The following MED14 variants were observed in gnomAD, a reference collection of about 807,000 sequenced individuals.
MED14 encodes mediator complex subunit 14, also known as mediator of RNA polymerase II transcription subunit 14.
A neutral mutation model predicts 109.0 loss-of-function variants in MED14; 8 were observed. The ratio of observed to expected loss-of-function variants is 0.07; its 90% CI spans 0.04 to 0.13. The LOEUF (loss-of-function observed/expected upper bound fraction) is 0.13. Ranked by LOEUF, MED14 falls within the 10% of genes least tolerant of loss-of-function variation. MED14 has a pLI of 1.00. For missense variants in MED14, 711 were observed against 1,142.4 expected, an observed-to-expected ratio of 0.62 and a Z score of 5.44; for synonymous variants, 399 against 408.7, an observed-to-expected ratio of 0.98 and a Z score of 0.29.
At chrX:40,714,245 C>G (rs1931436049) in intron 4 of MED14, among the ~76,000 whole-genome samples, 1 of 111,725 alleles carries the variant, frequency 9.0e-6, no homozygotes, top group African/African-American at 3.3e-5. Context: ...GTTTAAAACA[C>G]TTTCAAAAAG....
At chrX:40,721,885 G>C (rs1931732654) in intron 3 of MED14, among the ~76,000 whole-genome samples, 1 of 112,481 alleles carries the variant, frequency 8.9e-6, no homozygotes, top group Non-Finnish European at 1.9e-5. Flanking sequence ...AAATCTTCCA[G>C]ATCTTATCCA....
intron 29 of MED14, 117 bp downstream of exon 29, chrX:40,654,818 C>T: frequency 2.3e-5 from 22 of 950,054 alleles, no homozygotes; most frequent in Non-Finnish European, 1.0e-5. Flanking sequence ...ATTAAGGAAT[C>T]CTGGCCTCTA....
At chrX:40,728,049 T>C (rs775583100) in intron 2 of MED14, among the ~76,000 whole-genome samples, 1 of 111,934 alleles carries the variant, frequency 8.9e-6, no homozygotes, top group East Asian at 2.8e-4. Context: ...GACTGAGACA[T>C]AGCAGAAATG....
chrX:40,662,600 GTATGC>G (rs2146620836), intron 26 of MED14, among the ~76,000 whole-genome samples: 1 of 111,775 alleles, frequency 8.9e-6, no homozygotes, highest in South Asian at 3.7e-4. Flanking sequence ...ATAATTACTG[GTATGC>G]TATTCTCTGC....
At position 40,701,219 on chromosome X, in the gene MED14, T is replaced by G; in HGVS notation, c.1436A>C (p.Glu479Ala). ...TTTCATATCATCATTCACAGACTTC[T>G]CCATGTCATCCAGAGTGGCCTGGTC... ...GLDQATLDDM[E>A]KSVNDDMKRI... The change falls in exon 12 of 31, where the codon GAG becomes GCG. Residue 479 changes from glutamate (E) to alanine (A), a missense_variant. Glu to Ala is a moderately radical substitution (Grantham distance 107, BLOSUM62 -1). Transcript: ENST00000324817. The G allele has an allele frequency of 1.7e-6, 2 of 1,204,395 alleles. No homozygotes were observed. The highest frequency in any genetic ancestry group is 1.1e-6 in the Non-Finnish European group (1 of 890,073).
Position 40,712,285 on chromosome X carries a change from C to T in MED14, c.790G>A (p.Ala264Thr). The T allele has an allele frequency of 8.3e-7, 1 of 1,200,739 alleles. No individual in the cohort carries two copies. Among genetic ancestry groups the T allele is most frequent in the South Asian group, 1.8e-5 (1 of 55,453 alleles). ...CTGATTTGCATGCTATGAACCAAAG[C>T]TCGCCCATCTTCCGTTGGCAGAAGA... ...VEDKETGDGR[A>T]LVHSMQISFI... The change falls in exon 7 of 31, where the codon GCT becomes ACT. Residue 264 changes from alanine (A) to threonine (T), a missense_variant. Physicochemically the swap from Ala to Thr is moderately conservative, Grantham distance 58 (BLOSUM62 0). Around this residue, in one of 8 missense-constraint regions of MED14, gnomAD observed 388 missense variants for 517.3 expected, o/e 0.75. Coordinates refer to ENST00000324817, the MANE Select transcript of MED14 (RefSeq NM_004229.4).
At chrX:40,675,474 C>T (rs1423123864) in intron 21 of MED14, 113 bp from the exon 22 acceptor site, 3 of 511,185 alleles carry the variant, frequency 5.9e-6, no homozygotes, top group South Asian at 7.5e-5. Flanking sequence ...CCTTGAAGAT[C>T]GTTACTAGGA....
In MED14 at chrX:40,726,703, G is replaced by A. The variant is rs762003921; in HGVS notation, c.348+43C>T. 16 of 1,074,089 alleles carry A rather than the reference G, an allele frequency of 1.5e-5. No homozygotes were observed. In the South Asian group the frequency reaches 2.7e-4, roughly 18 times the overall value. The allele number at this position is 1,074,089 out of a possible 1,213,427, so 88.5% of individuals were successfully genotyped here. A position where few individuals can be genotyped will look rare whatever the true frequency, so the allele number is the denominator to read the frequency against. On this transcript the variant is annotated intron_variant, in intron 3 of 30. Coordinates refer to ENST00000324817, the MANE Select transcript of MED14 (RefSeq NM_004229.4). ...TAAAACTATGTCTATCATAACATTCGAAAAGTTATTTTATACAAAGTAAAA... is the reference window on the plus strand; with the variant it reads ...TAAAACTATGTCTATCATAACATTCAAAAAGTTATTTTATACAAAGTAAAA...
intron 1 of MED14, among the ~76,000 whole-genome samples, chrX:40,732,901 GA>G (rs1302289185): frequency 1.1e-4 from 12 of 104,974 alleles, no homozygotes; most frequent in Non-Finnish European, 2.2e-4. Context: ...AGAGGTTGGA[GA>G]AAAAAAAAAG....
chrX:40,673,496 A>C (rs920467020), intron 22 of MED14, among the ~76,000 whole-genome samples: 2 of 112,022 alleles, frequency 1.8e-5, no homozygotes, highest in Non-Finnish European at 3.8e-5. Context: ...TCAGTATGAA[A>C]TGTTACTGGG....
At chrX:40,728,836 G>A (rs1391159734) in intron 2 of MED14, among the ~76,000 whole-genome samples, 1 of 99,222 alleles carries the variant, frequency 1.0e-5, no homozygotes, top group South Asian at 4.2e-4. Flanking sequence ...TTTTTTTTTT[G>A]AGACAAAGTT....
In MED14 at chrX:40,666,775, G is replaced by C; in HGVS notation, c.3210C>G (p.Pro1070=). 3 of 1,203,003 alleles carry C rather than the reference G, an allele frequency of 2.5e-6. No homozygotes were observed. The highest frequency in any genetic ancestry group is 3.4e-6 in the Non-Finnish European group (3 of 890,453). The change falls in exon 24 of 31, where the codon CCC becomes CCG. Residue 1070 remains proline (P), a synonymous_variant. Coordinates refer to ENST00000324817, the MANE Select transcript of MED14 (RefSeq NM_004229.4). ...CTATTGAGATTCCATGCGAGGATGGGGGAGGAGTTGGAACAAATGACGCTG... is the reference window on the plus strand; with the variant it reads ...CTATTGAGATTCCATGCGAGGATGGCGGAGGAGTTGGAACAAATGACGCTG... ...PSPASFVPTP[P]PSSHGISIGP... is the part of the protein sequence containing the mutation.
At chrX:40,699,463 C>T (rs1930842694) in intron 12 of MED14, among the ~76,000 whole-genome samples, 1 of 112,000 alleles carries the variant, frequency 8.9e-6, no homozygotes, top group Admixed American at 9.5e-5. Context: ...TAGTGATAAA[C>T]TGGTCATTCA....
Position 40,659,305 on chromosome X carries a change from C to T in MED14, c.3894G>A (p.Thr1298=), listed in dbSNP as rs1402392395. ...CTAATAGCTTGGTGAAGGCTATTAACGTATTAGCTTTAAATGGTGGTCCTG... is the reference window on the plus strand; with the variant it reads ...CTAATAGCTTGGTGAAGGCTATTAATGTATTAGCTTTAAATGGTGGTCCTG... The part of the protein sequence containing the change: ...RVAGPPFKAN[T]LIAFTKLLGA... The change falls in exon 28 of 31, where the codon ACG becomes ACA. Residue 1298 remains threonine (T), a synonymous_variant. Coordinates refer to ENST00000324817, the MANE Select transcript of MED14 (RefSeq NM_004229.4). 1.0e-5 allele frequency: 12 copies of T among 1,168,121 alleles called. No homozygotes were observed. Among genetic ancestry groups the T allele is most frequent in the Middle Eastern group, 2.3e-4 (1 of 4,299 alleles).
intron 3 of MED14, among the ~76,000 whole-genome samples, chrX:40,718,106 C>T (rs1189017857): frequency 1.8e-5 from 2 of 112,025 alleles, no homozygotes; most frequent in Non-Finnish European, 3.8e-5. Flanking sequence ...GAAACAACAA[C>T]AACAAAAATA....
intron 3 of MED14, among the ~76,000 whole-genome samples, chrX:40,715,519 G>A (rs185228402): frequency 1.5e-3 from 170 of 110,858 alleles, no homozygotes; most frequent in African/African-American, 5.4e-3. Flanking sequence ...GGGTGCGGTG[G>A]CTCAGGTCTG....
intron 12 of MED14, among the ~76,000 whole-genome samples, chrX:40,697,695 G>A (rs1930771706): frequency 9.0e-6 from 1 of 111,442 alleles, no homozygotes; most frequent in South Asian, 3.7e-4. Context: ...TATCCTTGAA[G>A]CTAGGATATC....
chrX:40,655,074 G>A lies in MED14; in HGVS notation c.3973-14C>T, dbSNP rs1569277264. ...TTGGTCAGGGAACTATTTTGAGGGG[G>A]AAAAATCAAGATAAAGGCATATAAA... On this transcript the variant is annotated splice_polypyrimidine_tract_variant and intron_variant, in intron 28 of 30. Coordinates refer to ENST00000324817, the MANE Select transcript of MED14 (RefSeq NM_004229.4). The A allele has an allele frequency of 5.0e-6, 6 of 1,196,284 alleles. No homozygotes were observed. Among genetic ancestry groups the A allele is most frequent in the Middle Eastern group, 2.3e-4 (1 of 4,257 alleles).
chrX:40,704,575 T>G (rs1160666509), intron 10 of MED14, among the ~76,000 whole-genome samples: 2 of 112,412 alleles, frequency 1.8e-5, no homozygotes, highest in Non-Finnish European at 3.8e-5. Context: ...GCTGTAAAAG[T>G]GCTTTAAAAA....
Sources: allele counts gnomAD v4.1 joint callset (sites outside exome capture counted in the v4.1 genomes callset), GRCh38; gene constraint gnomAD v4.1.1; regional missense constraint gnomAD v4.1.1; transcripts MANE v1.5; gene names NCBI Gene and HGNC (gene_info 2026-07-23, HGNC 2026-07-21).